The following DMD variants were observed in gnomAD, a reference collection of about 807,000 sequenced individuals.
The protein encoded by DMD is mutant dystrophin.
In DMD, 63 loss-of-function variants were observed where a neutral mutation model predicts 330.1. That is an observed-to-expected ratio of 0.19 (90% CI 0.16 to 0.24). The LOEUF (loss-of-function observed/expected upper bound fraction) is 0.24, where lower values mean the gene tolerates loss of function less well. DMD is among the 10% of genes least tolerant of loss of function. DMD has a pLI of 1.00. For synonymous variants in DMD, 1,223 were observed against 959.8 expected, an observed-to-expected ratio of 1.27 and a Z score of -5.07; for missense variants, 3,344 against 2,684.1, an observed-to-expected ratio of 1.25 and a Z score of -5.43.
At chrX:31,204,216 A>G in intron 66 of DMD, 98 bp from the exon 67 acceptor site, 1 of 751,545 alleles carries the variant, frequency 1.3e-6, no homozygotes, top group Non-Finnish European at 2.0e-6. Context: ...AATTCTCAAG[A>G]GTAGCCAGTA....
intron 61 of DMD, among the ~76,000 whole-genome samples, chrX:31,333,700 A>AT (rs1205515299): frequency 1.9e-5 from 2 of 103,008 alleles, no homozygotes; most frequent in African/African-American, 7.7e-5. Context: ...TTCCTCTTCG[A>AT]TTTTTTTTTT....
At chrX:32,935,229 C>G (rs180843019) in intron 2 of DMD, among the ~76,000 whole-genome samples, 1 of 112,628 alleles carries the variant, frequency 8.9e-6, no homozygotes, top group Non-Finnish European at 1.9e-5. Flanking sequence ...CCGCCCATCT[C>G]GGCCTCCCAA....
intron 59 of DMD, among the ~76,000 whole-genome samples, chrX:31,470,976 C>A (rs1488198640): frequency 8.9e-6 from 1 of 111,962 alleles, no homozygotes; most frequent in Non-Finnish European, 1.9e-5. Flanking sequence ...ACTCAAGCTT[C>A]AGTAATGGCA....
At chrX:32,837,361 A>T (rs1237619200) in intron 4 of DMD, among the ~76,000 whole-genome samples, 4 of 111,403 alleles carry the variant, frequency 3.6e-5, no homozygotes. Context: ...TTCTATGGAG[A>T]GACTAAGGTA....
chrX:33,285,302 A>G (rs2053415295), intron 1 of DMD, among the ~76,000 whole-genome samples: 1 of 91,188 alleles, frequency 1.1e-5, no homozygotes, highest in South Asian at 4.9e-4. Context: ...GTTTAATACG[A>G]ATTCATTTGT....
At chrX:32,896,480 C>T (rs1334269109) in intron 2 of DMD, among the ~76,000 whole-genome samples, 1 of 111,548 alleles carries the variant, frequency 9.0e-6, no homozygotes, top group Non-Finnish European at 1.9e-5. Context: ...CAGAAAGAGG[C>T]CACGTTGCCT....
chrX:32,389,539 C>T lies in DMD; in HGVS notation c.4480G>A (p.Glu1494Lys), dbSNP rs369118010. The change falls in exon 32 of 79, where the codon GAA (glutamate) becomes AAA (lysine). Residue 1494 changes from glutamate to lysine, a missense_variant. Coordinates refer to ENST00000357033, the MANE Select transcript of DMD (RefSeq NM_004006.3). Reference protein sequence around the residue: ...HLPALETKSVEQEVVQSQLNH... With the variant: ...HLPALETKSVKQEVVQSQLNH... ...AGCTGTGACTGTACTACTTCCTGTT[C>T]CACACTCTTTGTTTCCAATGCAGGC... 1 of 1,209,550 alleles carries T rather than the reference C, an allele frequency of 8.3e-7. No individual in the cohort carries two copies. The highest frequency in any genetic ancestry group is 1.1e-6 in the Non-Finnish European group (1 of 894,866).
intron 7 of DMD, among the ~76,000 whole-genome samples, chrX:32,785,185 C>G (rs1393023975): frequency 9.6e-6 from 1 of 104,348 alleles, no homozygotes; most frequent in South Asian, 4.1e-4. Flanking sequence ...CACAAATGCT[C>G]GTGCTCTATA....
chrX:31,349,311 G>A (rs1416103971), intron 60 of DMD, among the ~76,000 whole-genome samples: 3 of 111,920 alleles, frequency 2.7e-5, no homozygotes, highest in African/African-American at 6.5e-5. Context: ...GTGTGGTGGC[G>A]CATGCCTGTA....
intron 7 of DMD, among the ~76,000 whole-genome samples, chrX:32,726,299 A>G (rs757973390): frequency 9.0e-6 from 1 of 111,322 alleles, no homozygotes; most frequent in Non-Finnish European, 1.9e-5. Context: ...AAATTCACAG[A>G]CAAAATTTTG....
At chrX:31,890,263 C>T (rs765754804) in intron 47 of DMD, among the ~76,000 whole-genome samples, 1 of 106,737 alleles carries the variant, frequency 9.4e-6, no homozygotes, top group South Asian at 4.2e-4. Context: ...AATCCTAGCA[C>T]TTTGGGAGGC....
chrX:32,650,831 G>T (rs1251072752), intron 9 of DMD, among the ~76,000 whole-genome samples: 1 of 111,984 alleles, frequency 8.9e-6, no homozygotes, highest in Non-Finnish European at 1.9e-5. Context: ...ATATACAACA[G>T]CAATAACAAC....
At chrX:32,459,548 G>C (rs1043046186) in intron 25 of DMD, among the ~76,000 whole-genome samples, 1 of 111,120 alleles carries the variant, frequency 9.0e-6, no homozygotes, top group African/African-American at 3.3e-5. Context: ...ATGTCTGATT[G>C]TCTTTTTCTC....
chrX:31,403,527 T>C (rs2061283414), intron 60 of DMD, among the ~76,000 whole-genome samples: 1 of 112,324 alleles, frequency 8.9e-6, no homozygotes, highest in Admixed American at 9.5e-5. Context: ...TCAAGGAGTT[T>C]CCTTTCAGTT....
chrX:33,176,067 T>G (rs957249293), intron 1 of DMD, among the ~76,000 whole-genome samples: 2 of 111,269 alleles, frequency 1.8e-5, no homozygotes, highest in Non-Finnish European at 3.8e-5. Flanking sequence ...CGTGCTCTCA[T>G]CTCAGAGAGC....
At chrX:32,690,250 GA>G (rs1159790572) in intron 9 of DMD, among the ~76,000 whole-genome samples, 4 of 110,900 alleles carry the variant, frequency 3.6e-5, no homozygotes, top group Non-Finnish European at 7.6e-5. Flanking sequence ...GTTTCTAGGA[GA>G]CAAATTCCAT....
intron 9 of DMD, among the ~76,000 whole-genome samples, chrX:32,677,733 G>A (rs2062070056): frequency 9.0e-6 from 1 of 111,308 alleles, no homozygotes; most frequent in South Asian, 3.7e-4. Flanking sequence ...ATGATATGAG[G>A]AAATAACTAT....
intron 60 of DMD, among the ~76,000 whole-genome samples, chrX:31,384,852 T>C (rs2060375609): frequency 8.9e-6 from 1 of 112,288 alleles, no homozygotes; most frequent in Admixed American, 9.4e-5. Context: ...ACTTTTGTGA[T>C]CTACCTGTGA....
intron 55 of DMD, among the ~76,000 whole-genome samples, chrX:31,550,110 A>G (rs775232653): frequency 1.8e-5 from 2 of 111,379 alleles, no homozygotes; most frequent in East Asian, 5.7e-4. Context: ...CAGGGTGGCA[A>G]CTGAACTTCA....
Sources: allele counts gnomAD v4.1 joint callset (sites outside exome capture counted in the v4.1 genomes callset), GRCh38; gene constraint gnomAD v4.1.1; transcripts MANE v1.5; gene names NCBI Gene and HGNC (gene_info 2026-07-23, HGNC 2026-07-21).